Variants in TRPM3 observed in about 807,000 individuals in gnomAD.
TRPM3 encodes the protein long transient receptor potential channel 3.
A neutral mutation model predicts 181.2 loss-of-function variants in TRPM3; 77 were observed. The observed-to-expected ratio is 0.42, with a 90% confidence interval of 0.35 to 0.51. TRPM3 has a LOEUF of 0.51. TRPM3 is among the 20% of genes least tolerant of loss of function. The pLI is 0.01. For missense variants in TRPM3, 1,759 were observed against 2,196.7 expected, an observed-to-expected ratio of 0.80 and a Z score of 3.98; for synonymous variants, 745 against 796.4, an observed-to-expected ratio of 0.94 and a Z score of 1.09.
chr9:70,626,051 G>A (rs1420311588), intron 12 of TRPM3, among the ~76,000 whole-genome samples: 1 of 152,108 alleles, frequency 6.6e-6, no homozygotes, highest in Non-Finnish European at 1.5e-5. Flanking sequence ...GAATTAAGGA[G>A]ATTTTCATTT....
At chr9:70,609,049 G>GTACT (rs1564540666) in intron 19 of TRPM3, among the ~76,000 whole-genome samples, 1 of 152,142 alleles carries the variant, frequency 6.6e-6, no homozygotes, top group Non-Finnish European at 1.5e-5. Flanking sequence ...CAGTTACATT[G>GTACT]TACTTATATG....
intron 1 of TRPM3, among the ~76,000 whole-genome samples, chr9:70,909,048 G>T (rs375039480): frequency 2.6e-5 from 4 of 152,330 alleles, no homozygotes; most frequent in South Asian, 4.1e-4. Flanking sequence ...AGTAGGCAAA[G>T]ATTTCTTAGA....
At chr9:71,160,768 G>A (rs1226500751) in intron 1 of TRPM3, among the ~76,000 whole-genome samples, 8 of 152,082 alleles carry the variant, frequency 5.3e-5, no homozygotes, top group African/African-American at 1.9e-4. Flanking sequence ...TATCCAAGAA[G>A]CTACAGTCTT....
intron 1 of TRPM3, among the ~76,000 whole-genome samples, chr9:70,935,507 G>C (rs1328859818): frequency 6.6e-6 from 1 of 152,162 alleles, no homozygotes; most frequent in East Asian, 1.9e-4. Context: ...CAGGAAGCTG[G>C]TCTCACACTA....
Position 70,620,135 on chromosome 9 carries a change from A to G in TRPM3, c.2070T>C (p.His690=), listed in dbSNP as rs1274859326. ...VACKLCKAMA[H]EASENDMVDD... ...CAACCATGTCGTTCTCAGAGGCCTC[A>G]TGAGCCATGGCTTTGCAGAGCTTGC... Residue 690 remains histidine (H), a synonymous_variant, in exon 16 of 26, where the codon CAT becomes CAC. Coordinates refer to ENST00000677713, the MANE Select transcript of TRPM3 (RefSeq NM_001366145.2). The G allele has an allele frequency of 3.7e-6, 6 of 1,614,052 alleles. No individual in the cohort carries two copies. The highest frequency in any genetic ancestry group is 4.2e-6 in the Non-Finnish European group (5 of 1,179,906).
chr9:70,843,999 C>T (rs575729096), intron 4 of TRPM3, among the ~76,000 whole-genome samples: 1 of 152,296 alleles, frequency 6.6e-6, no homozygotes, highest in Admixed American at 6.5e-5. Context: ...TCCATTTGAA[C>T]ATATTGCAGT....
At chr9:70,892,960 C>T (rs1729952470) in intron 1 of TRPM3, among the ~76,000 whole-genome samples, 1 of 152,104 alleles carries the variant, frequency 6.6e-6, no homozygotes, top group Non-Finnish European at 1.5e-5. Flanking sequence ...TGAGAAAATA[C>T]CATCTACTCT....
intron 5 of TRPM3, among the ~76,000 whole-genome samples, chr9:70,830,722 T>C (rs768105411): frequency 2.0e-5 from 3 of 152,250 alleles, no homozygotes; most frequent in Admixed American, 6.5e-5. Flanking sequence ...GTTTTGCTAA[T>C]GACTGTGTGA....
intron 1 of TRPM3, among the ~76,000 whole-genome samples, chr9:70,985,988 A>T (rs1420893580): frequency 5.9e-5 from 9 of 152,196 alleles, no homozygotes; most frequent in Admixed American, 5.9e-4. Context: ...GTTAATGATA[A>T]AATATTCCTT....
intron 1 of TRPM3, among the ~76,000 whole-genome samples, chr9:71,213,883 A>G (rs551934961): frequency 6.6e-6 from 1 of 152,340 alleles, no homozygotes; most frequent in African/African-American, 2.4e-5. Context: ...CTGGTACAAC[A>G]AACATATAAT....
In TRPM3 at chr9:70,761,678, T is replaced by G; in HGVS notation, c.1195A>C (p.Lys399Gln). The G allele has an allele frequency of 6.2e-7, 1 of 1,613,856 alleles. No individual in the cohort carries two copies. The highest frequency in any genetic ancestry group is 8.5e-7 in the Non-Finnish European group (1 of 1,179,842). Reference protein sequence around the residue: ...LRDQLLVTIQKTFTYTRTQAQ... With the variant: ...LRDQLLVTIQQTFTYTRTQAQ... Reference sequence around the variant, plus strand: ...TGGGTTCGAGTGTATGTGAAAGTCTTCTGTATAGTCACCAACAGCTGGTCC... The same window carrying G: ...TGGGTTCGAGTGTATGTGAAAGTCTGCTGTATAGTCACCAACAGCTGGTCC... The change falls in exon 8 of 26, where the codon AAG (lysine) becomes CAG (glutamine). Residue 399 changes from lysine (K) to glutamine (Q), a missense_variant. Lys to Gln is a moderately conservative substitution (Grantham distance 53, BLOSUM62 1). Transcript: ENST00000677713.
chr9:71,375,454 A>G (rs961140419), intron 1 of TRPM3, among the ~76,000 whole-genome samples: 1 of 152,232 alleles, frequency 6.6e-6, no homozygotes, highest in African/African-American at 2.4e-5. Flanking sequence ...CATTCAGGAC[A>G]TAGGCATGGG....
At chr9:71,278,215 G>A (rs117098603) in intron 1 of TRPM3, among the ~76,000 whole-genome samples, 71 of 152,322 alleles carry the variant, frequency 4.7e-4, no homozygotes, top group Admixed American at 8.5e-4. Flanking sequence ...CCTAGCACTT[G>A]AAAGTAAATA....
chr9:71,415,618 C>G (rs541077486), intron 1 of TRPM3, among the ~76,000 whole-genome samples: 3 of 152,030 alleles, frequency 2.0e-5, no homozygotes, highest in African/African-American at 7.2e-5. Context: ...AATTATAAAT[C>G]TCAGCTGCTG....
chr9:70,890,563 C>A (rs1589567361), intron 1 of TRPM3, among the ~76,000 whole-genome samples: 1 of 151,844 alleles, frequency 6.6e-6, no homozygotes, highest in Non-Finnish European at 1.5e-5. Flanking sequence ...AGATAAGATT[C>A]TACAGGCTTC....
At chr9:71,126,071 G>A (rs576531066), upstream of TRPM3, among the ~76,000 whole-genome samples, 4 of 151,972 alleles carry the variant, frequency 2.6e-5, no homozygotes, top group African/African-American at 7.2e-5. Context: ...GGACATGAAC[G>A]GACACTTCTC....
intron 1 of TRPM3, among the ~76,000 whole-genome samples, chr9:71,136,748 A>G (rs2074790507): frequency 1.3e-5 from 2 of 152,168 alleles, no homozygotes. Flanking sequence ...CTGGAAGCAC[A>G]TTTAGCAAGT....
In TRPM3 at chr9:71,441,934, T is replaced by C. The variant is rs115132612; in HGVS notation, c.183+4719A>G. On this transcript the variant is annotated intron_variant, in intron 1 of 24. Coordinates refer to the TRPM3 transcript ENST00000357533. ...GCATGAGCCACTGTGCCCGGCCTTCTTCATTTATTTTAAGACCTTAAAGAA... is the reference window on the plus strand; with the variant it reads ...GCATGAGCCACTGTGCCCGGCCTTCCTCATTTATTTTAAGACCTTAAAGAA... 3.0e-3 allele frequency among the ~76,000 whole-genome samples: 458 copies of C among 152,268 alleles called. 3 individuals carry two copies. Among genetic ancestry groups the C allele is most frequent in the African/African-American group, 0.011 (440 of 41,552 alleles).
chr9:71,206,881 GA>G (rs199739402), intron 1 of TRPM3, among the ~76,000 whole-genome samples: 1,736 of 147,652 alleles, frequency 0.012, 29 homozygotes, highest in East Asian at 0.079. Flanking sequence ...ATGTTTTGCA[GA>G]AAAAAAAAAT....
Sources: allele counts gnomAD v4.1 joint callset (sites outside exome capture counted in the v4.1 genomes callset), GRCh38; gene constraint gnomAD v4.1.1; transcripts MANE v1.5; gene names NCBI Gene and HGNC (gene_info 2026-07-23, HGNC 2026-07-21).